The following TOX variants were observed in gnomAD, a reference collection of about 807,000 sequenced individuals.
TOX encodes the protein thymocyte selection-associated high mobility group box protein TOX.
TOX carries 11 observed loss-of-function variants against 53.7 expected under a neutral mutation model. That is an observed-to-expected ratio of 0.20 (90% CI 0.13 to 0.34). TOX has a LOEUF of 0.34. Ranked by LOEUF, TOX falls within the 10% of genes least tolerant of loss-of-function variation. The pLI is 1.00. For synonymous variants in TOX, 225 were observed against 245.3 expected (o/e 0.92, Z 0.77); for missense variants, 570 against 664.6 (o/e 0.86, Z 1.56).
intron 3 of TOX, among the ~76,000 whole-genome samples, chr8:58,909,087 C>T (rs944969334): frequency 1.3e-5 from 2 of 152,190 alleles, no homozygotes; most frequent in Non-Finnish European, 2.9e-5. Context: ...TCTAGTCACA[C>T]ATTAGAATTA....
intron 1 of TOX, among the ~76,000 whole-genome samples, chr8:58,969,813 G>A (rs1385133890): frequency 6.6e-6 from 1 of 152,076 alleles, no homozygotes; most frequent in Non-Finnish European, 1.5e-5. Flanking sequence ...ACATGTCAAA[G>A]CCAAAACTGG....
chr8:58,850,512 G>A (rs1810793749), intron 4 of TOX, among the ~76,000 whole-genome samples: 2 of 152,204 alleles, frequency 1.3e-5, no homozygotes, highest in South Asian at 4.1e-4. Context: ...TAGCCTAGGG[G>A]CGATGTAGGG....
chr8:59,067,546 T>C (rs1411507361), intron 1 of TOX, among the ~76,000 whole-genome samples: 1 of 152,092 alleles, frequency 6.6e-6, no homozygotes, highest in African/African-American at 2.4e-5. Context: ...AGAGTGAGAC[T>C]CTGTCTCAAA....
At chr8:58,915,361 G>A (rs1357555118) in intron 3 of TOX, among the ~76,000 whole-genome samples, 1 of 88,074 alleles carries the variant, frequency 1.1e-5, no homozygotes, top group Non-Finnish European at 2.2e-5. Flanking sequence ...ATCTGAGAAC[G>A]GGCAGACTGC....
intron 5 of TOX, among the ~76,000 whole-genome samples, chr8:58,829,501 G>T (rs1423541690): frequency 1.3e-5 from 2 of 152,158 alleles, no homozygotes; most frequent in African/African-American, 4.8e-5. Context: ...TTCCTGAATA[G>T]CTGCAGATGT....
In TOX at chr8:58,851,230, A is replaced by G. The variant is rs987671291; in HGVS notation, c.693+294T>C. ...ACACACACGACCTTCATTGTACCCCAGTATACTGCCTTCTTAAAATGGTAC... is the reference window on the plus strand; with the variant it reads ...ACACACACGACCTTCATTGTACCCCGGTATACTGCCTTCTTAAAATGGTAC... On this transcript the variant is annotated intron_variant, in intron 4 of 8. Coordinates refer to ENST00000361421, the MANE Select transcript of TOX (RefSeq NM_014729.3). The surrounding 1 kb of genome is among the most constrained non-coding windows in gnomAD (Gnocchi z 4.4). Among the ~76,000 whole-genome samples the G allele has an allele frequency of 6.7e-6, 1 of 148,464 alleles. No homozygotes were observed. The highest frequency in any genetic ancestry group is 1.5e-5 in the Non-Finnish European group (1 of 67,378).
intron 3 of TOX, among the ~76,000 whole-genome samples, chr8:58,859,762 A>G (rs909395147): frequency 6.6e-6 from 1 of 152,146 alleles, no homozygotes; most frequent in African/African-American, 2.4e-5. Context: ...TACTCAAGGA[A>G]TTTGGTGTGT....
chr8:58,897,985 T>G (rs1041122101), intron 3 of TOX, among the ~76,000 whole-genome samples: 1 of 152,180 alleles, frequency 6.6e-6, no homozygotes, highest in African/African-American at 2.4e-5. Flanking sequence ...AACTAATAAT[T>G]GGGTTCTAAA....
intron 1 of TOX, among the ~76,000 whole-genome samples, chr8:58,965,903 T>TG (rs1812888846): frequency 6.9e-6 from 1 of 144,184 alleles, no homozygotes; most frequent in African/African-American, 2.6e-5. Flanking sequence ...CGTTTTTTTT[T>TG]TTTTTTTTTT....
chr8:58,877,752 C>T (rs1392884912), intron 3 of TOX, among the ~76,000 whole-genome samples: 1 of 152,234 alleles, frequency 6.6e-6, no homozygotes, highest in African/African-American at 2.4e-5. Context: ...AATATGCAGT[C>T]GTGCAGTGTA....
chr8:58,997,232 T>C (rs923253477), intron 1 of TOX, among the ~76,000 whole-genome samples: 2 of 152,202 alleles, frequency 1.3e-5, no homozygotes. Context: ...CAAATAGATT[T>C]GATGACAACT....
chr8:58,851,844 TAAA>T lies in TOX; in HGVS notation c.412-42_412-40del, dbSNP rs1810831053. 8.0e-7 allele frequency: 1 copy of T among 1,255,190 alleles called. No individual in the cohort carries two copies. The highest frequency in any genetic ancestry group is 1.0e-6 in the Non-Finnish European group (1 of 986,042). The allele number at this position is 1,255,190 out of a possible 1,614,324, so 77.8% of individuals were successfully genotyped here. ...ATAAATAAATAAATAAATAAATAAATAAATAGGAAAGGAGTAATTTTAACAAAT... is the reference window on the plus strand; with the variant it reads ...ATAAATAAATAAATAAATAAATAAATTAGGAAAGGAGTAATTTTAACAAAT... On this transcript the variant is annotated intron_variant, in intron 3 of 8. Coordinates refer to ENST00000361421, the MANE Select transcript of TOX (RefSeq NM_014729.3). This position sits in a 1 kb window ranked among gnomAD's most constrained non-coding sequence, Gnocchi z 4.4.
At chr8:58,954,267 AT>A (rs1226695026) in intron 2 of TOX, among the ~76,000 whole-genome samples, 1 of 152,194 alleles carries the variant, frequency 6.6e-6, no homozygotes, top group Non-Finnish European at 1.5e-5. Context: ...TCCTACTGCA[AT>A]GGACAGGGCA....
chr8:59,098,817 T>G (rs920489622), intron 1 of TOX, among the ~76,000 whole-genome samples: 2 of 152,188 alleles, frequency 1.3e-5, no homozygotes, highest in African/African-American at 4.8e-5. Context: ...TAATTTATGA[T>G]CCATGACTTG....
intron 1 of TOX, among the ~76,000 whole-genome samples, chr8:58,966,656 A>C (rs1260502804): frequency 2.0e-5 from 3 of 152,096 alleles, no homozygotes; most frequent in Non-Finnish European, 4.4e-5. Context: ...AATATTAGAT[A>C]TTCTTTTTGT....
intron 1 of TOX, among the ~76,000 whole-genome samples, chr8:58,986,804 T>A (rs1474066760): frequency 6.6e-6 from 1 of 152,068 alleles, no homozygotes; most frequent in African/African-American, 2.4e-5. Flanking sequence ...AATGATACAC[T>A]CACTGGCTGA....
intron 5 of TOX, among the ~76,000 whole-genome samples, chr8:58,834,487 AAC>A (rs933400798): frequency 6.6e-6 from 1 of 152,218 alleles, no homozygotes; most frequent in African/African-American, 2.4e-5. Context: ...ATGAGAACAA[AAC>A]ACAATTAATT....
chr8:59,035,815 G>A (rs925638159), intron 1 of TOX, among the ~76,000 whole-genome samples: 5 of 152,356 alleles, frequency 3.3e-5, no homozygotes, highest in Admixed American at 2.6e-4. Context: ...GTGCAAAGAA[G>A]GACAATGACA....
chr8:58,927,988 T>C (rs934343500), intron 3 of TOX, among the ~76,000 whole-genome samples: 21 of 152,162 alleles, frequency 1.4e-4, no homozygotes, highest in Admixed American at 1.4e-3. Flanking sequence ...ATCAGTAGGT[T>C]TCTGCGGGTG....
Sources: gnomAD v4.1 joint callset for allele counts (sites outside exome capture counted in the v4.1 genomes callset) on GRCh38, gnomAD v4.1.1 for gene constraint, Gnocchi (gnomAD v3.1) non-coding constraint, MANE v1.5 for transcripts, NCBI Gene and HGNC (gene_info 2026-07-23, HGNC 2026-07-21) for gene names.